The following PCDH19 variants were observed in gnomAD, a reference collection of about 807,000 sequenced individuals.
PCDH19 encodes the protein protocadherin 19.
A neutral mutation model predicts 46.2 loss-of-function variants in PCDH19; 6 were observed. The ratio of observed to expected loss-of-function variants is 0.13; its 90% CI spans 0.07 to 0.26. The LOEUF (loss-of-function observed/expected upper bound fraction) is 0.26, where lower values mean the gene tolerates loss of function less well. Among genes scored for constraint, PCDH19 ranks in the 10% least tolerant of loss-of-function variants. The probability of loss-of-function intolerance (pLI) is 1.00; values close to 1 mark genes in which losing one functional copy is unlikely to be tolerated. For missense variants in PCDH19, 740 were observed against 972.3 expected (o/e 0.76, Z 3.18); for synonymous variants, 481 against 415.7 (o/e 1.16, Z -1.91).
chrX:100,394,027 C>T (rs1406774588), intron 3 of PCDH19, among the ~76,000 whole-genome samples: 2 of 111,649 alleles, frequency 1.8e-5, no homozygotes, highest in East Asian at 5.6e-4. Context: ...GTTAGCCGGG[C>T]ATAGTGGTGC....
rs1248121505 is a variant in PCDH19 at position 100,293,514 on chromosome X, C to T, written c.*2763G>A. 1 of 56,052 alleles carries T rather than the reference C, an allele frequency of 1.8e-5. No individual in the cohort carries two copies. The highest frequency in any genetic ancestry group is 3.4e-5 in the Non-Finnish European group (1 of 29,618). 4.6% of individuals were successfully genotyped at this position (56,052 alleles called of 1,213,427 possible). ...CCAAAAAGGAGAAGGTGGGGTGGGGCGGGGGGGACATGAGCCAAAGGGAAA... is the reference window on the plus strand; with the variant it reads ...CCAAAAAGGAGAAGGTGGGGTGGGGTGGGGGGGACATGAGCCAAAGGGAAA... On this transcript the variant is annotated 3_prime_UTR_variant, in exon 6 of 6. Coordinates refer to ENST00000373034, the MANE Select transcript of PCDH19 (RefSeq NM_001184880.2).
chrX:100,318,683 G>A (rs1925383469), intron 5 of PCDH19, among the ~76,000 whole-genome samples: 1 of 111,975 alleles, frequency 8.9e-6, no homozygotes, highest in African/African-American at 3.2e-5. Context: ...CATGGACCAG[G>A]TAAGTTTTTT....
intron 5 of PCDH19, among the ~76,000 whole-genome samples, chrX:100,318,156 T>A (rs1453882921): frequency 8.9e-6 from 1 of 111,872 alleles, no homozygotes; most frequent in Admixed American, 9.5e-5. Flanking sequence ...AGTCTAAGAC[T>A]ATGGGCTCTG....
intron 3 of PCDH19, among the ~76,000 whole-genome samples, chrX:100,388,048 CAT>C (rs1362927685): frequency 9.0e-6 from 1 of 111,252 alleles, no homozygotes; most frequent in Non-Finnish European, 1.9e-5. Flanking sequence ...AAAAATAACA[CAT>C]GTTCAATGCA....
chrX:100,362,377 G>A (rs1926913173), intron 3 of PCDH19, among the ~76,000 whole-genome samples: 1 of 110,767 alleles, frequency 9.0e-6, no homozygotes. Flanking sequence ...TTTCTTAACT[G>A]TGTGTGTGTG....
At chrX:100,368,659 C>G (rs915464914) in intron 3 of PCDH19, among the ~76,000 whole-genome samples, 2 of 107,284 alleles carry the variant, frequency 1.9e-5, no homozygotes, top group Non-Finnish European at 3.8e-5. Flanking sequence ...AGAGGCCTGA[C>G]CCCATTCAGT....
At chrX:100,372,711 G>T (rs1254114907) in intron 3 of PCDH19, among the ~76,000 whole-genome samples, 4 of 112,390 alleles carry the variant, frequency 3.6e-5, no homozygotes, top group Admixed American at 1.9e-4. Context: ...TGGAATTCAT[G>T]AAGTACTAAA....
chrX:100,327,205 C>G (rs1925720852), intron 5 of PCDH19, among the ~76,000 whole-genome samples: 1 of 111,621 alleles, frequency 9.0e-6, no homozygotes, highest in Non-Finnish European at 1.9e-5. Flanking sequence ...ATAACACTTG[C>G]TATGTTTTGG....
intron 3 of PCDH19, among the ~76,000 whole-genome samples, chrX:100,370,585 T>C (rs1233153597): frequency 8.9e-6 from 1 of 111,832 alleles, no homozygotes; most frequent in African/African-American, 3.3e-5. Context: ...TAATGTACCA[T>C]AGCAGAGAAT....
At position 100,409,005 on chromosome X, in the gene PCDH19, G is replaced by A. The variant is rs1245387580; in HGVS notation, c.-408C>T. 1.8e-5 allele frequency: 2 copies of A among 113,159 alleles called. No individual in the cohort carries two copies. The highest frequency in any genetic ancestry group is 3.8e-5 in the Non-Finnish European group (2 of 53,260). 9.3% of individuals were successfully genotyped at this position (113,159 alleles called of 1,213,427 possible). A position where few individuals can be genotyped will look rare whatever the true frequency, so the allele number is the denominator to read the frequency against. On this transcript the variant is annotated 5_prime_UTR_variant, in exon 1 of 6. Coordinates refer to ENST00000373034, the MANE Select transcript of PCDH19 (RefSeq NM_001184880.2). ...ACCGCTGAGTCCGGACAGTACTTGA[G>A]GCGAAGGTAAAGAGGGCGGAGGAGG... is the stretch of plus-strand genomic sequence containing the variant.
At chrX:100,392,361 G>A (rs762239652) in intron 3 of PCDH19, among the ~76,000 whole-genome samples, 1 of 112,290 alleles carries the variant, frequency 8.9e-6, no homozygotes, top group South Asian at 3.7e-4. Context: ...ATTAGTAAGT[G>A]CACAAGCCAC....
chrX:100,343,404 T>C (rs1009037765), intron 4 of PCDH19, among the ~76,000 whole-genome samples: 1 of 111,979 alleles, frequency 8.9e-6, no homozygotes, highest in African/African-American at 3.2e-5. Context: ...AGCCAGAGAG[T>C]GAGCACTAAT....
At chrX:100,343,145 C>G (rs1793760240) in intron 4 of PCDH19, among the ~76,000 whole-genome samples, 1 of 110,386 alleles carries the variant, frequency 9.1e-6, no homozygotes, top group South Asian at 3.8e-4. Context: ...TCCTGGTTCT[C>G]AAGACTTCAA....
At chrX:100,366,170 A>G (rs1460105775) in intron 3 of PCDH19, among the ~76,000 whole-genome samples, 2 of 112,171 alleles carry the variant, frequency 1.8e-5, no homozygotes, top group Non-Finnish European at 3.8e-5. Context: ...GTTGCCACTT[A>G]AATTGCTCAT....
intron 3 of PCDH19, among the ~76,000 whole-genome samples, chrX:100,363,891 G>C (rs1412945599): frequency 1.9e-5 from 2 of 106,274 alleles, no homozygotes; most frequent in Non-Finnish European, 3.9e-5. Context: ...GTGTGTGAGA[G>C]AGAGGGAGAG....
chrX:100,361,518 G>C (rs1330897778), intron 3 of PCDH19, among the ~76,000 whole-genome samples: 1 of 112,062 alleles, frequency 8.9e-6, no homozygotes, highest in African/African-American at 3.2e-5. Context: ...GGTGCTGAAT[G>C]ACCGTAATGG....
At chrX:100,313,365 T>G (rs1471032375) in intron 5 of PCDH19, among the ~76,000 whole-genome samples, 3 of 111,367 alleles carry the variant, frequency 2.7e-5, no homozygotes, top group Non-Finnish European at 5.7e-5. Context: ...AATTTGAAGC[T>G]CCGTTCAAGC....
chrX:100,352,037 T>C (rs1926586787), intron 3 of PCDH19, among the ~76,000 whole-genome samples: 1 of 112,594 alleles, frequency 8.9e-6, no homozygotes, highest in Non-Finnish European at 1.9e-5. Flanking sequence ...CTTACTCAGG[T>C]ATGTTCATGT....
chrX:100,360,634 A>G (rs1990185743), intron 3 of PCDH19, among the ~76,000 whole-genome samples: 1 of 112,131 alleles, frequency 8.9e-6, no homozygotes, highest in South Asian at 3.7e-4. Context: ...GGCACAATAA[A>G]CATTTCTCAA....
Sources: gnomAD v4.1 joint callset for allele counts (sites outside exome capture counted in the v4.1 genomes callset) on GRCh38, gnomAD v4.1.1 for gene constraint, MANE v1.5 for transcripts, NCBI Gene and HGNC (gene_info 2026-07-23, HGNC 2026-07-21) for gene names.